The following RGP1 variants were observed in gnomAD, a reference collection of about 807,000 sequenced individuals.
The protein encoded by RGP1 is RGP1 partner of RAB6A GEF complex.
Under a neutral mutation model 44.5 loss-of-function variants are expected in RGP1, and 28 were observed. The ratio of observed to expected loss-of-function variants is 0.63; its 90% CI spans 0.47 to 0.86. The LOEUF is 0.86. RGP1 is among the 40% of genes least tolerant of loss of function. RGP1 has a pLI of 0.00. For synonymous variants in RGP1, 212 were observed against 196.7 expected (o/e 1.08, Z -0.65); for missense variants, 417 against 490.7 (o/e 0.85, Z 1.42).
In RGP1 at chr9:35,752,717, C is replaced by G. The variant is rs1291841109; in HGVS notation, c.1019C>G (p.Pro340Arg). Residue 340 changes from proline to arginine, a missense_variant, in exon 9 of 9, where the codon CCC (proline) becomes CGC (arginine). Transcript: ENST00000378078. ...CGAGAACCAGGATTGGTACTCCTAC[C>G]CCCTGTGGAACAGCCCGAACCTACC... ...TSREPGLVLL[P>R]PVEQPEPTTW... The G allele has an allele frequency of 1.2e-6, 2 of 1,613,654 alleles. No individual in the cohort carries two copies. Among genetic ancestry groups the G allele is most frequent in the African/African-American group, 1.3e-5 (1 of 75,004 alleles).
At chr9:35,762,811 C>T (rs1827430432), downstream of RGP1, among the ~76,000 whole-genome samples, 1 of 151,394 alleles carries the variant, frequency 6.6e-6, no homozygotes, top group Non-Finnish European at 1.5e-5. Flanking sequence ...ATTAAACGTA[C>T]TGGCTTCCTT....
At chr9:35,780,981 T>C in the RGP1 span, among the ~76,000 whole-genome samples, 1 of 152,072 alleles carries the variant, frequency 6.6e-6, no homozygotes, top group Non-Finnish European at 1.5e-5. Flanking sequence ...AATTCTAAAA[T>C]ATACTGCCAA....
In RGP1 at chr9:35,750,240, C is replaced by T; in HGVS notation, c.117-3C>T. 6.2e-7 allele frequency: 1 copy of T among 1,612,598 alleles called. No individual in the cohort carries two copies. The highest frequency in any genetic ancestry group is 8.5e-7 in the Non-Finnish European group (1 of 1,179,372). ...CTGATGCCTCCTTTTCCTTTTCCCA[C>T]AGTGAGGCCCTGGCCTGGGCCAGTG... is the stretch of plus-strand genomic sequence containing the variant. On this transcript the variant is annotated splice_region_variant and splice_polypyrimidine_tract_variant and intron_variant, in intron 2 of 8. Transcript: ENST00000378078.
At chr9:35,782,219 T>C in the RGP1 span, among the ~76,000 whole-genome samples, 20 of 152,124 alleles carry the variant, frequency 1.3e-4, no homozygotes, top group African/African-American at 4.8e-4. Context: ...TAGAGATAGG[T>C]TGTATTATCT....
At chr9:35,771,978 G>C in the RGP1 span, among the ~76,000 whole-genome samples, 2 of 152,130 alleles carry the variant, frequency 1.3e-5, no homozygotes, top group African/African-American at 4.8e-5. Context: ...TTGGGGGAGG[G>C]GAGGCAGGAG....
downstream of RGP1, among the ~76,000 whole-genome samples, chr9:35,762,965 A>G (rs1283636582): frequency 6.6e-6 from 1 of 152,184 alleles, no homozygotes; most frequent in African/African-American, 2.4e-5. Context: ...TCACACAGCT[A>G]GTAAATTTCA....
chr9:35,750,408 G>T (rs574670118), intron 3 of RGP1, 29 bp downstream of exon 3: 2 of 1,612,384 alleles, frequency 1.2e-6, no homozygotes, highest in South Asian at 2.2e-5. Context: ...CCTGGGAGAG[G>T]GGGGGTGCGG....
chr9:35,753,543 G>A lies in RGP1; in HGVS notation c.*669G>A. 1.1e-6 allele frequency: 1 copy of A among 918,698 alleles called. No individual in the cohort carries two copies. Among genetic ancestry groups the A allele is most frequent in the Non-Finnish European group, 1.7e-6 (1 of 592,096 alleles). 56.9% of individuals were successfully genotyped at this position (918,698 alleles called of 1,614,324 possible). On this transcript the variant is annotated 3_prime_UTR_variant, in exon 9 of 9. Transcript: ENST00000378078. The surrounding 1 kb of genome is among the most constrained non-coding windows in gnomAD (Gnocchi z 4.2). ...ACTAGTGTTGGTCCCTTCAGGTTTG[G>A]CCCATCTTGTATTGCTCTTCTGTTC...
At chr9:35,783,211 T>C in the RGP1 span, among the ~76,000 whole-genome samples, 22 of 152,214 alleles carry the variant, frequency 1.4e-4, no homozygotes, top group Non-Finnish European at 2.9e-4. Flanking sequence ...TTATTTTTAA[T>C]TGACAATAAT....
the RGP1 span, among the ~76,000 whole-genome samples, chr9:35,777,012 T>G: frequency 6.6e-6 from 1 of 150,536 alleles, no homozygotes; most frequent in East Asian, 2.0e-4. Context: ...AAAAAAAAAT[T>G]TGCTTTGTGG....
At position 35,750,242 on chromosome 9, in the gene RGP1, G is replaced by C. The variant is rs777052998; in HGVS notation, c.117-1G>C. 1 of 1,613,004 alleles carries C rather than the reference G, an allele frequency of 6.2e-7. No individual in the cohort carries two copies. The highest frequency in any genetic ancestry group is 8.5e-7 in the Non-Finnish European group (1 of 1,179,562). Reference sequence around the variant, plus strand: ...GATGCCTCCTTTTCCTTTTCCCACAGTGAGGCCCTGGCCTGGGCCAGTGCC... The same window carrying C: ...GATGCCTCCTTTTCCTTTTCCCACACTGAGGCCCTGGCCTGGGCCAGTGCC... On this transcript the variant is annotated splice_acceptor_variant, in intron 2 of 8. Coordinates refer to ENST00000378078, the MANE Select transcript of RGP1 (RefSeq NM_001080496.3). LOFTEE classifies it high-confidence loss of function.
the RGP1 span, among the ~76,000 whole-genome samples, chr9:35,772,857 CTG>C: frequency 6.6e-6 from 1 of 150,454 alleles, no homozygotes; most frequent in South Asian, 2.1e-4. Flanking sequence ...TGCATACTAA[CTG>C]TGGTGGGGTT....
chr9:35,787,522 G>A, the RGP1 span, among the ~76,000 whole-genome samples: 3 of 152,224 alleles, frequency 2.0e-5, no homozygotes, highest in Admixed American at 6.5e-5. Context: ...GAGTCACCAT[G>A]CCTGGCCCAC....
At position 35,753,772 on chromosome 9, in the gene RGP1, G is replaced by A; in HGVS notation, c.*898G>A. The A allele has an allele frequency of 6.2e-7, 1 of 1,611,632 alleles. No homozygotes were observed. Among genetic ancestry groups the A allele is most frequent in the Non-Finnish European group, 8.5e-7 (1 of 1,177,810 alleles). ...TTCCCCTCATAGTGACAGGGGGCTA[G>A]GGAAGAACGGGAAATGTTAGTAGGT... On this transcript the variant is annotated 3_prime_UTR_variant, in exon 9 of 9. Coordinates refer to ENST00000378078, the MANE Select transcript of RGP1 (RefSeq NM_001080496.3). The surrounding 1 kb of genome is among the most constrained non-coding windows in gnomAD (Gnocchi z 4.2).
chr9:35,786,890 T>A, the RGP1 span: 15 of 151,252 alleles, frequency 9.9e-5, no homozygotes, highest in African/African-American at 3.7e-4. Context: ...GGTCAGGAGA[T>A]CAAGACCATC....
At chr9:35,765,145 C>T in the RGP1 span, among the ~76,000 whole-genome samples, 1 of 151,724 alleles carries the variant, frequency 6.6e-6, no homozygotes, top group Non-Finnish European at 1.5e-5. Flanking sequence ...AAAAGAAGTC[C>T]ATTTTTATTG....
chr9:35,768,218 C>T, the RGP1 span, among the ~76,000 whole-genome samples: 1 of 151,946 alleles, frequency 6.6e-6, no homozygotes, highest in Non-Finnish European at 1.5e-5. Flanking sequence ...TGTGCCACCA[C>T]TCTTGGCTAA....
the RGP1 span, among the ~76,000 whole-genome samples, chr9:35,767,427 G>C: frequency 1.3e-5 from 2 of 151,476 alleles, no homozygotes; most frequent in African/African-American, 4.9e-5. Context: ...CATACTATGT[G>C]TTAATGATAC....
chr9:35,777,508 T>G, the RGP1 span, among the ~76,000 whole-genome samples: 1 of 150,770 alleles, frequency 6.6e-6, no homozygotes, highest in African/African-American at 2.4e-5. Flanking sequence ...GAGAGAGAGA[T>G]AGGGTCTTGC....
Sources: gnomAD v4.1 joint callset for allele counts (sites outside exome capture counted in the v4.1 genomes callset) on GRCh38, gnomAD v4.1.1 for gene constraint, Gnocchi (gnomAD v3.1) non-coding constraint, MANE v1.5 for transcripts, NCBI Gene and HGNC (gene_info 2026-07-23, HGNC 2026-07-21) for gene names.